The following CLASP1 variants were observed in gnomAD, a reference collection of about 807,000 sequenced individuals.
CLASP1 encodes cytoplasmic linker associated protein 1.
Under a neutral mutation model 192.3 loss-of-function variants are expected in CLASP1, and 38 were observed. That is an observed-to-expected ratio of 0.20 (90% CI 0.15 to 0.26). The LOEUF (loss-of-function observed/expected upper bound fraction) is 0.26. CLASP1 is among the 10% of genes least tolerant of loss of function. CLASP1 has a pLI of 1.00. For synonymous variants in CLASP1, 691 were observed against 712.8 expected, an observed-to-expected ratio of 0.97 and a Z score of 0.49; for missense variants, 1,433 against 1,932.5, an observed-to-expected ratio of 0.74 and a Z score of 4.85.
intron 1 of CLASP1, among the ~76,000 whole-genome samples, chr2:121,627,999 C>T (rs1316182157): frequency 1.3e-5 from 2 of 152,106 alleles, no homozygotes; most frequent in Admixed American, 6.5e-5. Flanking sequence ...ATACCCTGTC[C>T]ACCACTATTC....
chr2:121,576,997 T>C (rs1175041759), intron 2 of CLASP1, among the ~76,000 whole-genome samples: 2 of 152,180 alleles, frequency 1.3e-5, no homozygotes, highest in Non-Finnish European at 2.9e-5. Context: ...TTAGGCGTGA[T>C]AATGGTACCA....
intron 35 of CLASP1, among the ~76,000 whole-genome samples, chr2:121,366,299 A>G (rs573036928): frequency 5.9e-5 from 9 of 152,316 alleles, no homozygotes; most frequent in Admixed American, 4.6e-4. Context: ...CCTTACAAAC[A>G]CTATACCCTA....
Position 121,367,851 on chromosome 2 carries a change from C to T in CLASP1, c.3643-20G>A. 6.2e-7 allele frequency: 1 copy of T among 1,609,740 alleles called. No individual in the cohort carries two copies. Among genetic ancestry groups the T allele is most frequent in the Non-Finnish European group, 8.5e-7 (1 of 1,178,382 alleles). The stretch of plus-strand genomic sequence containing the variant: ...GGACACCTGCAGCACAGCACACTGT[C>T]AGTTCCCTTCTGGGACTTGTAATGG... On this transcript the variant is annotated intron_variant, in intron 34 of 39. Transcript: ENST00000263710.
intron 5 of CLASP1, among the ~76,000 whole-genome samples, chr2:121,526,340 C>T (rs1270178164): frequency 6.6e-6 from 1 of 152,202 alleles, no homozygotes; most frequent in Non-Finnish European, 1.5e-5. Flanking sequence ...CAGGCAACAC[C>T]GCTGGATGAA....
intron 6 of CLASP1, among the ~76,000 whole-genome samples, chr2:121,523,904 G>A (rs1386742671): frequency 6.6e-6 from 1 of 152,206 alleles, no homozygotes; most frequent in Non-Finnish European, 1.5e-5. Flanking sequence ...AAAAGAGGAA[G>A]AAGGGGAAAT....
At position 121,427,447 on chromosome 2, in the gene CLASP1, G is replaced by A. The variant is rs2080623432; in HGVS notation, c.2018-17C>T. 6.2e-7 allele frequency: 1 copy of A among 1,612,490 alleles called. No individual in the cohort carries two copies. Among genetic ancestry groups the A allele is most frequent in the Non-Finnish European group, 8.5e-7 (1 of 1,179,478 alleles). ...ATCTGGATCCTTGATTATGAGAGCA[G>A]ACCAAAGGACAGGCAAAAAGTGGAT... On this transcript the variant is annotated splice_polypyrimidine_tract_variant and intron_variant, in intron 20 of 39. Coordinates refer to ENST00000263710, the Ensembl canonical transcript of CLASP1.
chr2:121,347,066 G>T (rs866115766), exon 39 of CLASP1: 2 of 1,581,298 alleles, frequency 1.3e-6, no homozygotes, highest in Admixed American at 1.8e-5. Flanking sequence ...TGCAAGGTGA[G>T]GTTTCAGGTC....
At chr2:121,517,379 G>A (rs2094327424) in intron 6 of CLASP1, among the ~76,000 whole-genome samples, 1 of 152,158 alleles carries the variant, frequency 6.6e-6, no homozygotes, top group South Asian at 2.1e-4. Flanking sequence ...GGAGTCCTCT[G>A]ATTTAACAGT....
At chr2:121,545,471 T>C (rs986936417) in intron 2 of CLASP1, among the ~76,000 whole-genome samples, 5 of 152,144 alleles carry the variant, frequency 3.3e-5, no homozygotes, top group Admixed American at 6.5e-5. Context: ...TCAAGGTTAT[T>C]CTAAAGTCTC....
At chr2:121,491,225 A>G (rs1338607456) in intron 8 of CLASP1, among the ~76,000 whole-genome samples, 1 of 152,258 alleles carries the variant, frequency 6.6e-6, no homozygotes, top group Non-Finnish European at 1.5e-5. Context: ...AAGAGCCAAT[A>G]ATGTTATGAT....
chr2:121,621,274 T>C (rs558480578), intron 1 of CLASP1, among the ~76,000 whole-genome samples: 18 of 152,244 alleles, frequency 1.2e-4, no homozygotes, highest in Admixed American at 3.3e-4. Flanking sequence ...CATGAAGATT[T>C]ACAACCATGT....
chr2:121,410,809 G>C, intron 24 of CLASP1, 57 bp downstream of exon 25: 2 of 1,036,432 alleles, frequency 1.9e-6, no homozygotes, highest in Non-Finnish European at 2.8e-6. Context: ...TTAGGACAGA[G>C]AGAAATGCAG....
intron 1 of CLASP1, among the ~76,000 whole-genome samples, chr2:121,606,611 G>T (rs1431659947): frequency 2.0e-5 from 3 of 152,214 alleles, no homozygotes; most frequent in African/African-American, 7.2e-5. Context: ...TATGGGAAAT[G>T]AGGAAGGCTC....
chr2:121,477,801 CAACT>C (rs2091825756), intron 8 of CLASP1, among the ~76,000 whole-genome samples: 1 of 152,134 alleles, frequency 6.6e-6, no homozygotes, highest in Non-Finnish European at 1.5e-5. Context: ...AGAAAAGTAA[CAACT>C]AATAGAATCA....
chr2:121,550,542 T>C (rs899657578), intron 2 of CLASP1, among the ~76,000 whole-genome samples: 9 of 151,884 alleles, frequency 5.9e-5, no homozygotes, highest in African/African-American at 2.2e-4. Flanking sequence ...ATAAACACAA[T>C]TAGAAATGAT....
Position 121,460,140 on chromosome 2 carries a change from A to G in CLASP1, c.1033-15T>C, listed in dbSNP as rs1427670487. The G allele has an allele frequency of 1.3e-6, 2 of 1,597,476 alleles. No individual in the cohort carries two copies. The highest frequency in any genetic ancestry group is 2.2e-5 in the East Asian group (1 of 44,780). ...ATCTTTTTTAGCTAATGGAATAGAGAAAATTCAGAAAAATAGAAAACAATT... is the reference window on the plus strand; with the variant it reads ...ATCTTTTTTAGCTAATGGAATAGAGGAAATTCAGAAAAATAGAAAACAATT... On this transcript the variant is annotated splice_polypyrimidine_tract_variant and intron_variant, in intron 11 of 39. Transcript: ENST00000263710.
chr2:121,571,656 T>C (rs942061992), intron 2 of CLASP1, among the ~76,000 whole-genome samples: 1 of 152,098 alleles, frequency 6.6e-6, no homozygotes, highest in African/African-American at 2.4e-5. Flanking sequence ...ACAGGAGCCA[T>C]ACCATTTAAG....
chr2:121,593,149 C>T (rs1417227570), intron 2 of CLASP1, among the ~76,000 whole-genome samples: 1 of 152,152 alleles, frequency 6.6e-6, no homozygotes, highest in Non-Finnish European at 1.5e-5. Context: ...GTGTGCCTCC[C>T]GATGTGAGGC....
At chr2:121,384,053 C>CACACAT (rs1477031656) in intron 32 of CLASP1, among the ~76,000 whole-genome samples, 3 of 135,390 alleles carry the variant, frequency 2.2e-5, no homozygotes, top group Non-Finnish European at 4.9e-5. Flanking sequence ...TATATACACA[C>CACACAT]ATATATGTAT....
Sources: gnomAD v4.1 joint callset for allele counts (sites outside exome capture counted in the v4.1 genomes callset) on GRCh38, gnomAD v4.1.1 for gene constraint, MANE v1.5 for transcripts, NCBI Gene and HGNC (gene_info 2026-07-23, HGNC 2026-07-21) for gene names.